Variants in STX8 observed in about 807,000 individuals in gnomAD.
The protein encoded by STX8 is syntaxin 8, also known as syntaxin-8.
In STX8, 23 loss-of-function variants were observed where a neutral mutation model predicts 37.5. That is an observed-to-expected ratio of 0.61 (90% CI 0.44 to 0.87). The LOEUF (loss-of-function observed/expected upper bound fraction) is 0.87, where lower values mean the gene tolerates loss of function less well. Ranked by LOEUF, STX8 falls within the 40% of genes least tolerant of loss-of-function variation. The probability of loss-of-function intolerance (pLI) is 0.00; values close to 1 mark genes in which losing one functional copy is unlikely to be tolerated. For synonymous variants in STX8, 115 were observed against 99.1 expected (o/e 1.16, Z -0.95); for missense variants, 313 against 284.7 (o/e 1.10, Z -0.71).
intron 6 of STX8, among the ~76,000 whole-genome samples, chr17:9,396,458 G>A (rs1052315328): frequency 9.9e-5 from 15 of 151,744 alleles, no homozygotes; most frequent in Non-Finnish European, 2.1e-4. Flanking sequence ...TGAGGTGGGC[G>A]GGTCATCTGA....
At chr17:9,486,193 G>C (rs1298558971) in intron 6 of STX8, among the ~76,000 whole-genome samples, 1 of 152,178 alleles carries the variant, frequency 6.6e-6, no homozygotes, top group Non-Finnish European at 1.5e-5. Context: ...CAAGATCTTA[G>C]ATTCCAAACA....
intron 1 of STX8, 21 bp from the exon 2 acceptor site, chr17:9,568,491 G>C: frequency 1.3e-6 from 2 of 1,597,004 alleles, no homozygotes; most frequent in Non-Finnish European, 1.7e-6. Flanking sequence ...GTCGTAAAAA[G>C]AGAAAATGTT....
chr17:9,489,152 C>T (rs893192474), intron 6 of STX8, among the ~76,000 whole-genome samples: 8 of 152,194 alleles, frequency 5.3e-5, no homozygotes, highest in Non-Finnish European at 8.8e-5. Flanking sequence ...GCTGGGATTA[C>T]AGGCGTGAGC....
intron 7 of STX8, among the ~76,000 whole-genome samples, chr17:9,369,779 G>A (rs532799392): frequency 1.3e-5 from 2 of 149,788 alleles, no homozygotes; most frequent in Admixed American, 6.7e-5. Context: ...TGTAGTCCCA[G>A]GTACTCAGCA....
intron 3 of STX8, among the ~76,000 whole-genome samples, chr17:9,547,710 A>C (rs1301241854): frequency 1.3e-5 from 2 of 151,828 alleles, no homozygotes; most frequent in African/African-American, 4.8e-5. Context: ...AGATTAGGAA[A>C]CTGAGAAGAC....
At chr17:9,346,642 T>C (rs1446649845) in intron 7 of STX8, among the ~76,000 whole-genome samples, 5 of 152,086 alleles carry the variant, frequency 3.3e-5, no homozygotes, top group Admixed American at 3.3e-4. Context: ...CCAAATAAAG[T>C]ATTTTAGGAA....
chr17:9,459,513 G>A (rs1597686335), intron 6 of STX8, among the ~76,000 whole-genome samples: 1 of 152,178 alleles, frequency 6.6e-6, no homozygotes, highest in Non-Finnish European at 1.5e-5. Context: ...GGAAGCAAAT[G>A]GGAAATACAC....
At chr17:9,361,682 T>C (rs930294053) in intron 7 of STX8, among the ~76,000 whole-genome samples, 3 of 152,264 alleles carry the variant, frequency 2.0e-5, no homozygotes, top group Admixed American at 2.0e-4. Flanking sequence ...TAACAGTGAT[T>C]GTTTCTTGTA....
At chr17:9,365,651 C>A (rs1911207131) in intron 7 of STX8, among the ~76,000 whole-genome samples, 2 of 152,184 alleles carry the variant, frequency 1.3e-5, no homozygotes, top group South Asian at 4.1e-4. Context: ...GAAAAGAGAG[C>A]AGAGGACTGA....
At chr17:9,547,266 A>AAAAAAAAAAAAAAAAAAAAAAAAAAAC (rs1906571694) in intron 3 of STX8, 1 of 137,182 alleles carries the variant, frequency 7.3e-6, no homozygotes, top group African/African-American at 2.8e-5. Context: ...AAAAAAAAAA[A>AAAAAAAAAAAAAAAAAAAAAAAAAAAC]GAAAAAAGAA....
intron 7 of STX8, among the ~76,000 whole-genome samples, chr17:9,277,918 T>A (rs1907731253): frequency 6.6e-6 from 1 of 152,122 alleles, no homozygotes; most frequent in African/African-American, 2.4e-5. Context: ...GAAGCCATGG[T>A]AAGGAGTTGG....
chr17:9,304,533 A>G (rs1339791735), intron 7 of STX8, among the ~76,000 whole-genome samples: 1 of 149,484 alleles, frequency 6.7e-6, no homozygotes, highest in Admixed American at 6.6e-5. Context: ...AAAAAAAGAA[A>G]AAAGAAAGAA....
chr17:9,551,923 A>G (rs1340672327), intron 3 of STX8, among the ~76,000 whole-genome samples: 1 of 152,054 alleles, frequency 6.6e-6, no homozygotes, highest in Admixed American at 6.6e-5. Flanking sequence ...AGAATTACCA[A>G]TTATACATTT....
chr17:9,567,750 G>C (rs992891952), intron 2 of STX8, among the ~76,000 whole-genome samples: 2 of 152,102 alleles, frequency 1.3e-5, no homozygotes, highest in Non-Finnish European at 2.9e-5. Flanking sequence ...GCAGTGGCAC[G>C]ATCTTAGCTC....
At chr17:9,512,466 C>CTT (rs763396603) in intron 4 of STX8, among the ~76,000 whole-genome samples, 1 of 145,534 alleles carries the variant, frequency 6.9e-6, no homozygotes. Context: ...GCCAACTGAT[C>CTT]TTTTTTTTTT....
intron 6 of STX8, among the ~76,000 whole-genome samples, chr17:9,462,121 A>C (rs980293296): frequency 6.6e-6 from 1 of 152,154 alleles, no homozygotes; most frequent in African/African-American, 2.4e-5. Context: ...GTACTGGTCC[A>C]TGGCCAGGAG....
At chr17:9,527,756 G>A (rs972916186) in intron 4 of STX8, among the ~76,000 whole-genome samples, 5 of 152,118 alleles carry the variant, frequency 3.3e-5, no homozygotes, top group Non-Finnish European at 7.4e-5. Context: ...TTAAGGAAAG[G>A]GGCCCTCACA....
At chr17:9,340,641 T>G (rs1910317159) in intron 7 of STX8, among the ~76,000 whole-genome samples, 1 of 143,060 alleles carries the variant, frequency 7.0e-6, no homozygotes. Flanking sequence ...TTATCAATGT[T>G]GCACTTGATT....
In STX8 at chr17:9,515,053, T is replaced by C. The variant is rs566312868; in HGVS notation, c.324-9891A>G. Among the ~76,000 whole-genome samples the C allele has an allele frequency of 7.2e-5, 11 of 152,182 alleles. No homozygotes were observed. The East Asian group carries it at 1.5e-3, about 21-fold the overall frequency. ...CTCATTAATGGGCATGAAGAAAAAA[T>C]AGAATATAGACAAATGGACCAAAAT... On this transcript the variant is annotated intron_variant, in intron 4 of 7. Transcript: ENST00000306357.
Sources: allele counts gnomAD v4.1 joint callset (sites outside exome capture counted in the v4.1 genomes callset), GRCh38; gene constraint gnomAD v4.1.1; transcripts MANE v1.5; gene names NCBI Gene and HGNC (gene_info 2026-07-23, HGNC 2026-07-21).